The following PDE4B variants were observed in gnomAD, a reference collection of about 807,000 sequenced individuals.
The protein encoded by PDE4B is phosphodiesterase 4B.
Under a neutral mutation model 82.2 loss-of-function variants are expected in PDE4B, and 20 were observed. That is an observed-to-expected ratio of 0.24 (90% CI 0.17 to 0.35). PDE4B has a LOEUF of 0.35. Among genes scored for constraint, PDE4B ranks in the 10% least tolerant of loss-of-function variants. The pLI is 1.00. For missense variants in PDE4B, 655 were observed against 907.2 expected, an observed-to-expected ratio of 0.72 and a Z score of 3.57; for synonymous variants, 320 against 318.9, an observed-to-expected ratio of 1.00 and a Z score of -0.04.
chr1:66,253,248 GTA>G (rs533327010), intron 4 of PDE4B, among the ~76,000 whole-genome samples: 1 of 150,148 alleles, frequency 6.7e-6, no homozygotes, highest in Non-Finnish European at 1.5e-5. Flanking sequence ...AACCACTATA[GTA>G]TATATCTCTC....
chr1:66,316,020 A>G (rs903809267), intron 7 of PDE4B, among the ~76,000 whole-genome samples: 1 of 152,256 alleles, frequency 6.6e-6, no homozygotes, highest in Non-Finnish European at 1.5e-5. Context: ...CTGGCTACCT[A>G]GCCTATTCAG....
chr1:65,835,498 C>T (rs1646130175), intron 1 of PDE4B, among the ~76,000 whole-genome samples: 1 of 152,022 alleles, frequency 6.6e-6, no homozygotes, highest in Admixed American at 6.6e-5. Flanking sequence ...AAGCCAAGAC[C>T]AATTAGGTGG....
chr1:66,101,381 G>C (rs1645220696), intron 3 of PDE4B, among the ~76,000 whole-genome samples: 1 of 152,114 alleles, frequency 6.6e-6, no homozygotes, highest in African/African-American at 2.4e-5. Context: ...GGTATTTCTA[G>C]TTCTAGATCC....
At chr1:66,174,232 T>C (rs1378219576) in intron 3 of PDE4B, among the ~76,000 whole-genome samples, 2 of 152,188 alleles carry the variant, frequency 1.3e-5, no homozygotes, top group Non-Finnish European at 2.9e-5. Flanking sequence ...TTAAATGCAG[T>C]AGGGGAGCTA....
intron 3 of PDE4B, among the ~76,000 whole-genome samples, chr1:65,944,760 C>G (rs1557449338): frequency 6.6e-6 from 1 of 151,698 alleles, no homozygotes; most frequent in Admixed American, 6.6e-5. Flanking sequence ...GGAAGTGTAG[C>G]TTGGGTCTGG....
At chr1:65,837,921 C>G (rs190591526) in intron 1 of PDE4B, among the ~76,000 whole-genome samples, 19 of 152,190 alleles carry the variant, frequency 1.2e-4, no homozygotes, top group Non-Finnish European at 2.1e-4. Context: ...TGTGTGTTAC[C>G]TTGTTCCCCT....
At chr1:65,873,703 G>T (rs1646602269) in intron 1 of PDE4B, among the ~76,000 whole-genome samples, 1 of 152,048 alleles carries the variant, frequency 6.6e-6, no homozygotes, top group African/African-American at 2.4e-5. Context: ...CAATTCTCTG[G>T]TTACCAAGAT....
intron 10 of PDE4B, among the ~76,000 whole-genome samples, chr1:66,362,863 T>C (rs1662897835): frequency 6.6e-6 from 1 of 152,196 alleles, no homozygotes; most frequent in Admixed American, 6.5e-5. Context: ...CTCTATTCAC[T>C]TGTGGCCACC....
At chr1:66,246,164 T>C (rs970497718) in intron 3 of PDE4B, among the ~76,000 whole-genome samples, 1 of 152,234 alleles carries the variant, frequency 6.6e-6, no homozygotes, top group Non-Finnish European at 1.5e-5. Context: ...CCTATGACTC[T>C]GAGAAAGGTA....
chr1:66,242,546 A>G (rs144009968), intron 3 of PDE4B, among the ~76,000 whole-genome samples: 1 of 152,324 alleles, frequency 6.6e-6, no homozygotes, highest in Non-Finnish European at 1.5e-5. Flanking sequence ...AATTATTCCT[A>G]GGATGTTGCT....
intron 7 of PDE4B, among the ~76,000 whole-genome samples, chr1:66,302,681 A>G (rs1570654780): frequency 6.6e-6 from 1 of 152,212 alleles, no homozygotes; most frequent in Non-Finnish European, 1.5e-5. Flanking sequence ...AGCATTCACA[A>G]AAAGATTTGG....
chr1:66,262,863 G>A (rs1440986514), intron 6 of PDE4B, among the ~76,000 whole-genome samples: 1 of 152,146 alleles, frequency 6.6e-6, no homozygotes, highest in Non-Finnish European at 1.5e-5. Flanking sequence ...AAAAGAATTT[G>A]TATAGTATGA....
intron 1 of PDE4B, among the ~76,000 whole-genome samples, chr1:65,793,618 C>A (rs1188648475): frequency 6.6e-6 from 1 of 152,146 alleles, no homozygotes; most frequent in Non-Finnish European, 1.5e-5. Flanking sequence ...TGATTGACTG[C>A]AGGCAGCGGG....
intron 3 of PDE4B, among the ~76,000 whole-genome samples, chr1:66,022,639 G>C (rs369685633): frequency 2.6e-5 from 4 of 152,314 alleles, no homozygotes; most frequent in Admixed American, 1.3e-4. Context: ...AACTAGCCTT[G>C]CATCCCAGGG....
At chr1:65,975,302 A>G (rs2100637589) in intron 3 of PDE4B, among the ~76,000 whole-genome samples, 1 of 152,354 alleles carries the variant, frequency 6.6e-6, no homozygotes, top group South Asian at 2.1e-4. Context: ...TGGTGGAAGA[A>G]ACTTCTAAGC....
chr1:65,864,430 G>A (rs543273107), intron 1 of PDE4B, among the ~76,000 whole-genome samples: 38 of 152,206 alleles, frequency 2.5e-4, no homozygotes, highest in Admixed American at 1.9e-3. Context: ...ATCATTTGGA[G>A]AAGAGGCATT....
intron 3 of PDE4B, among the ~76,000 whole-genome samples, chr1:65,997,143 C>CG (rs1408986500): frequency 3.4e-5 from 5 of 146,438 alleles, no homozygotes; most frequent in Non-Finnish European, 7.5e-5. Context: ...ACTGCACCCC[C>CG]CTGACCCACC....
intron 1 of PDE4B, among the ~76,000 whole-genome samples, chr1:65,908,341 T>A (rs1557810736): frequency 1.3e-5 from 2 of 152,118 alleles, no homozygotes. Context: ...GCAATGTAGT[T>A]TGATTCACAT....
chr1:65,955,524 C>T (rs373111276), intron 3 of PDE4B, among the ~76,000 whole-genome samples: 10 of 152,264 alleles, frequency 6.6e-5, no homozygotes, highest in Admixed American at 6.5e-4. Flanking sequence ...CTGACACTCA[C>T]ACAAGTGAAA....
Sources: gnomAD v4.1 joint callset for allele counts (sites outside exome capture counted in the v4.1 genomes callset) on GRCh38, gnomAD v4.1.1 for gene constraint, MANE v1.5 for transcripts, NCBI Gene and HGNC (gene_info 2026-07-23, HGNC 2026-07-21) for gene names.